COG4: variants seen among roughly 807,000 people sequenced by gnomAD.
COG4 encodes component of oligomeric golgi complex 4.
Under a neutral mutation model 95.1 loss-of-function variants are expected in COG4, and 65 were observed. That is an observed-to-expected ratio of 0.68 (90% CI 0.56 to 0.84). The LOEUF is 0.84. Ranked by LOEUF, COG4 falls within the 40% of genes least tolerant of loss-of-function variation. COG4 has a pLI of 0.00. For synonymous variants in COG4, 421 were observed against 374.8 expected (o/e 1.12, Z -1.42); for missense variants, 1,045 against 989.1 (o/e 1.06, Z -0.76).
chr16:70,519,422 C>A lies in COG4; in HGVS notation c.254+227G>T, dbSNP rs1018626182. ...GATTACAGGCGTGAGCCACCGCGCC[C>A]GGCCAGGATTTGCATTTCTAACAAG... On this transcript the variant is annotated intron_variant, in intron 2 of 18. Coordinates refer to ENST00000323786, the MANE Select transcript of COG4 (RefSeq NM_015386.3). Among the ~76,000 whole-genome samples the A allele has an allele frequency of 5.7e-5, 2 of 34,832 alleles. 1 individual carries two copies. Among genetic ancestry groups the A allele is most frequent in the Non-Finnish European group, 8.8e-5 (2 of 22,662 alleles). 22.9% of individuals were successfully genotyped at this position (34,832 alleles called of 152,430 possible). A position where few individuals can be genotyped will look rare whatever the true frequency, so the allele number is the denominator to read the frequency against.
intron 3 of COG4, 152 bp downstream of exon 3, chr16:70,517,474 G>C (rs2049845455): frequency 1.6e-6 from 1 of 628,374 alleles, no homozygotes; most frequent in Non-Finnish European, 2.8e-6. Context: ...CGTAGTCCTA[G>C]CTCCTCAGGA....
intron 12 of COG4, 34 bp from the exon 13 acceptor site, chr16:70,490,426 G>C: frequency 6.4e-7 from 1 of 1,572,472 alleles, no homozygotes; most frequent in Non-Finnish European, 8.8e-7. Flanking sequence ...GTGACTTCCT[G>C]CTGACTGTGC....
chr16:70,521,959 C>T lies in COG4; in HGVS notation c.171+1414G>A, dbSNP rs569831958. Among the ~76,000 whole-genome samples, 4 of 151,682 alleles carry T rather than the reference C, an allele frequency of 2.6e-5. No homozygotes were observed. The East Asian group carries it at 7.7e-4, about 29-fold the overall frequency. On this transcript the variant is annotated intron_variant, in intron 1 of 18. Transcript: ENST00000323786. The stretch of plus-strand genomic sequence containing the variant: ...CTCGTGATCCATCTGCCTCAGCCTC[C>T]CAAAGTGCTGGGGTTACAGGAGTGA...
At chr16:70,484,304 A>G (rs1028718199) in intron 13 of COG4, among the ~76,000 whole-genome samples, 1 of 152,130 alleles carries the variant, frequency 6.6e-6, no homozygotes, top group African/African-American at 2.4e-5. Flanking sequence ...CTGAGCTTCA[A>G]TTTTCCTGTC....
intron 8 of COG4, among the ~76,000 whole-genome samples, chr16:70,503,660 T>A (rs937331318): frequency 8.2e-6 from 1 of 122,104 alleles, no homozygotes; most frequent in Non-Finnish European, 1.5e-5. Flanking sequence ...AGTGGCGCTA[T>A]CCCGGCTCAC....
rs545870536 is a variant in COG4, at chr16:70,509,161, A to C, written c.1002+70T>G. 16 of 1,589,710 alleles carry C rather than the reference A, an allele frequency of 1.0e-5. No homozygotes were observed. In the East Asian group the frequency reaches 3.4e-4, roughly 33 times the overall value. On this transcript the variant is annotated intron_variant, in intron 7 of 18. Transcript: ENST00000323786. ...CTTTTTTTTCACTTTTTCAAACCCT[A>C]CAATTTATTCTACTCAGTGTTCCTC...
In COG4 at chr16:70,481,118, T is replaced by A. The variant is rs1423855437; in HGVS notation, c.2262A>T (p.Gly754=). ...ERVTEILDYW[G]PNSGPLTWRL... ...GCCACGTCAATGGGCCGGAATTGGG[T>A]CCCCAGTAATCGAGGATCTCGGTCA... Residue 754 remains glycine (G), a synonymous_variant, in exon 19 of 19, where the codon GGA becomes GGT. Transcript: ENST00000323786. The A allele has an allele frequency of 1.9e-6, 3 of 1,613,210 alleles. No homozygotes were observed. The highest frequency in any genetic ancestry group is 2.5e-6 in the Non-Finnish European group (3 of 1,179,970).
chr16:70,517,444 T>C (rs74533871), intron 3 of COG4, among the ~76,000 whole-genome samples, 182 bp downstream of exon 3: 5 of 151,800 alleles, frequency 3.3e-5, no homozygotes, highest in African/African-American at 1.2e-4. Context: ...AAAAACTAGC[T>C]GGGCATAGTG....
rs753920873 is a variant in COG4, at chr16:70,481,138, C to T, written c.2242G>A (p.Glu748Lys). The change falls in exon 19 of 19, where the codon GAG (glutamate) becomes AAG (lysine). Residue 748 changes from glutamate (E) to lysine (K), a missense_variant. Coordinates refer to ENST00000323786, the MANE Select transcript of COG4 (RefSeq NM_015386.3). ...ATILNLERVTEILDYWGPNSG... is the reference protein window; with the variant it reads ...ATILNLERVTKILDYWGPNSG... Reference sequence around the variant, plus strand: ...TTGGGTCCCCAGTAATCGAGGATCTCGGTCACCTGTGGGGAAGGACATAGA... The same window carrying T: ...TTGGGTCCCCAGTAATCGAGGATCTTGGTCACCTGTGGGGAAGGACATAGA... The T allele has an allele frequency of 3.2e-5, 51 of 1,613,238 alleles. No individual in the cohort carries two copies. Among genetic ancestry groups the T allele is most frequent in the East Asian group, 2.9e-4 (13 of 44,870 alleles).
chr16:70,496,182 G>C, intron 12 of COG4, 84 bp downstream of exon 12: 1 of 1,432,940 alleles, frequency 7.0e-7, no homozygotes, highest in Non-Finnish European at 9.8e-7. Context: ...TCTCTAGCTA[G>C]AGGCCAATTA....
At chr16:70,508,364 A>G (rs369987468) in intron 8 of COG4, 42 bp downstream of exon 8, 149 of 1,543,546 alleles carry the variant, frequency 9.7e-5, no homozygotes, top group Middle Eastern at 1.7e-4. Flanking sequence ...ATGATTACCA[A>G]TTCAAACTCC....
intron 8 of COG4, among the ~76,000 whole-genome samples, chr16:70,504,924 A>C (rs929942330): frequency 6.6e-6 from 1 of 152,002 alleles, no homozygotes; most frequent in African/African-American, 2.4e-5. Context: ...AAAAAAAAAA[A>C]AATCCAGTCA....
chr16:70,498,814 T>G (rs2049392014), intron 9 of COG4, among the ~76,000 whole-genome samples: 1 of 152,204 alleles, frequency 6.6e-6, no homozygotes, highest in Admixed American at 6.5e-5. Flanking sequence ...TAGGATTAAT[T>G]AATAGGAGTC....
chr16:70,506,609 A>AAAAAAG (rs2049575989), intron 8 of COG4, among the ~76,000 whole-genome samples: 1 of 61,232 alleles, frequency 1.6e-5, no homozygotes. Context: ...AAAAAAAAAA[A>AAAAAAG]AAAAAAAACA....
intron 6 of COG4, 137 bp from the exon 7 acceptor site, chr16:70,509,525 T>C: frequency 1.1e-6 from 1 of 935,302 alleles, no homozygotes; most frequent in Non-Finnish European, 1.7e-6. Flanking sequence ...CAAATAGGCC[T>C]AGTCAATGCT....
intron 5 of COG4, 88 bp from the exon 6 acceptor site, chr16:70,510,109 ACTTT>A: frequency 8.9e-7 from 1 of 1,120,834 alleles, no homozygotes. Context: ...CCTCCCATTG[ACTTT>A]CTTTTTTTTC....
intron 8 of COG4, 31 bp from the exon 9 acceptor site, chr16:70,501,122 G>A (rs772369479): frequency 4.4e-6 from 7 of 1,608,916 alleles, no homozygotes; most frequent in East Asian, 2.2e-5. Context: ...GGAATAGGAC[G>A]ACAATGGATT....
chr16:70,481,513 C>T, intron 17 of COG4, 26 bp from the exon 18 acceptor site: 1 of 1,610,234 alleles, frequency 6.2e-7, no homozygotes. Context: ...AGCCCAGTCA[C>T]TACTTAGGCC....
chr16:70,485,931 T>C (rs2049123161), intron 13 of COG4, among the ~76,000 whole-genome samples: 1 of 144,778 alleles, frequency 6.9e-6, no homozygotes, highest in Non-Finnish European at 1.5e-5. Context: ...AGTCTTGCTC[T>C]ATAACCCAGG....
Sources: gnomAD v4.1 joint callset for allele counts (sites outside exome capture counted in the v4.1 genomes callset) on GRCh38, gnomAD v4.1.1 for gene constraint, MANE v1.5 for transcripts, NCBI Gene and HGNC (gene_info 2026-07-23, HGNC 2026-07-21) for gene names.